The following RANBP17 variants were observed in gnomAD, a reference collection of about 807,000 sequenced individuals.
RANBP17 encodes ran-binding protein 17.
A neutral mutation model predicts 141.2 loss-of-function variants in RANBP17; 158 were observed. That is an observed-to-expected ratio of 1.12 (90% confidence interval 0.98 to 1.28). The LOEUF (loss-of-function observed/expected upper bound fraction) is 1.28. Ranked by LOEUF, RANBP17 falls within the 50% of genes most tolerant of loss-of-function variation. The pLI is 0.00. For synonymous variants in RANBP17, 430 were observed against 450.0 expected, an observed-to-expected ratio of 0.96 and a Z score of 0.56; for missense variants, 1,438 against 1,290.7, an observed-to-expected ratio of 1.11 and a Z score of -1.75.
chr5:171,275,423 A>G (rs1048007516), intron 25 of RANBP17, among the ~76,000 whole-genome samples: 2 of 152,204 alleles, frequency 1.3e-5, no homozygotes, highest in Non-Finnish European at 2.9e-5. Flanking sequence ...TGTGCTTCAT[A>G]CTTGAATAGA....
intron 2 of RANBP17, 139 bp from the exon 3 acceptor site, chr5:170,881,666 GT>G (rs1456999460): frequency 7.5e-6 from 4 of 536,470 alleles, no homozygotes; most frequent in Non-Finnish European, 1.3e-5. Context: ...TGTATCTCAA[GT>G]TGACATATTT....
At chr5:170,909,250 A>C (rs1464965234) in intron 5 of RANBP17, among the ~76,000 whole-genome samples, 1 of 151,874 alleles carries the variant, frequency 6.6e-6, no homozygotes, top group Admixed American at 6.6e-5. Flanking sequence ...ATATAGGAAT[A>C]TCACTTTCAA....
chr5:170,904,766 G>C (rs1220399839), intron 5 of RANBP17, among the ~76,000 whole-genome samples: 3 of 152,064 alleles, frequency 2.0e-5, no homozygotes, highest in Non-Finnish European at 4.4e-5. Context: ...TTTATACACT[G>C]ATAATCATGT....
chr5:170,947,040 T>C (rs1287166673), intron 12 of RANBP17, among the ~76,000 whole-genome samples: 1 of 152,182 alleles, frequency 6.6e-6, no homozygotes, highest in Non-Finnish European at 1.5e-5. Context: ...GGATTATAAA[T>C]AAATTTTATC....
intron 19 of RANBP17, among the ~76,000 whole-genome samples, chr5:171,205,185 A>T (rs1159230485): frequency 3.3e-5 from 5 of 152,194 alleles, no homozygotes; most frequent in African/African-American, 1.2e-4. Context: ...TTATTAAATA[A>T]TGTCTAGACC....
chr5:170,863,689 T>C (rs1205983487), intron 1 of RANBP17: 1 of 152,204 alleles, frequency 6.6e-6, no homozygotes, highest in East Asian at 1.9e-4. Flanking sequence ...TTAAAAGGTA[T>C]GGTGGAACTT....
rs775874451 is a variant in RANBP17 at position 171,293,969 on chromosome 5, G to A, written c.3030G>A (p.Leu1010=). 1 of 1,612,270 alleles carries A rather than the reference G, an allele frequency of 6.2e-7. No individual in the cohort carries two copies. The highest frequency in any genetic ancestry group is 1.1e-5 in the South Asian group (1 of 91,046). The part of the protein sequence containing the change: ...SVSRPLLGLI[L]LNEKYFSELR... ...CCAGGCCTCTCCTGGGGCTCATCCT[G>A]CTCAATGAGAAGGTGAGTGTGATTG... The change falls in exon 26 of 28, where the codon CTG becomes CTA. Residue 1010 remains leucine, a synonymous_variant. Transcript: ENST00000523189.
intron 13 of RANBP17, among the ~76,000 whole-genome samples, chr5:170,963,377 C>G (rs1776285010): frequency 6.6e-6 from 1 of 152,062 alleles, no homozygotes; most frequent in South Asian, 2.1e-4. Flanking sequence ...ACAAAAATAC[C>G]TGATTCAGGT....
chr5:171,250,844 T>C (rs1765511595), intron 24 of RANBP17, among the ~76,000 whole-genome samples: 1 of 152,158 alleles, frequency 6.6e-6, no homozygotes, highest in South Asian at 2.1e-4. Context: ...ATTCCTAAAA[T>C]GACTAAATTT....
intron 12 of RANBP17, among the ~76,000 whole-genome samples, chr5:170,927,694 T>G (rs1012816552): frequency 1.3e-5 from 2 of 152,108 alleles, no homozygotes; most frequent in Non-Finnish European, 2.9e-5. Context: ...GATTCAAATA[T>G]GGTGAGCATA....
At position 171,006,268 on chromosome 5, in the gene RANBP17, A is replaced by C. The variant is rs189484208; in HGVS notation, c.1710+37891A>C. On this transcript the variant is annotated intron_variant, in intron 14 of 27. Transcript: ENST00000523189. ...TGGGTATATACCCAAAGAATTATAAAACATGCTGCTATAAAAACACATGCA... is the reference window on the plus strand; with the variant it reads ...TGGGTATATACCCAAAGAATTATAACACATGCTGCTATAAAAACACATGCA... 8.3e-4 allele frequency among the ~76,000 whole-genome samples: 127 copies of C among 152,318 alleles called. 2 individuals are homozygous for C. The East Asian group carries it at 0.02, about 24-fold the overall frequency.
chr5:170,908,286 G>A (rs1370838068), intron 5 of RANBP17, among the ~76,000 whole-genome samples: 1 of 151,740 alleles, frequency 6.6e-6, no homozygotes, highest in Non-Finnish European at 1.5e-5. Flanking sequence ...CATTGACGGT[G>A]GATTGGATAA....
At chr5:170,883,213 G>T (rs78301952) in intron 3 of RANBP17, among the ~76,000 whole-genome samples, 2 of 152,298 alleles carry the variant, frequency 1.3e-5, no homozygotes, top group Admixed American at 1.3e-4. Flanking sequence ...TTCAAATAGT[G>T]TAAAGCTAAG....
intron 14 of RANBP17, among the ~76,000 whole-genome samples, chr5:170,981,216 G>T (rs902311864): frequency 2.0e-5 from 3 of 152,016 alleles, no homozygotes; most frequent in Admixed American, 2.0e-4. Flanking sequence ...AGGCTCATAG[G>T]CAGAAGGAAC....
At chr5:171,059,227 A>G (rs1173547805) in intron 14 of RANBP17, among the ~76,000 whole-genome samples, 1 of 152,130 alleles carries the variant, frequency 6.6e-6, no homozygotes, top group African/African-American at 2.4e-5. Context: ...TTTAGACATG[A>G]AGTCCTTGCC....
intron 14 of RANBP17, among the ~76,000 whole-genome samples, chr5:171,087,244 G>A (rs1785738818): frequency 6.6e-6 from 1 of 152,048 alleles, no homozygotes; most frequent in African/African-American, 2.4e-5. Flanking sequence ...TCAGGAGCAG[G>A]TTGTTCAGTT....
At chr5:171,106,399 A>C (rs1159815180) in intron 14 of RANBP17, among the ~76,000 whole-genome samples, 1 of 152,144 alleles carries the variant, frequency 6.6e-6, no homozygotes, top group Non-Finnish European at 1.5e-5. Context: ...ATGTTTGAGG[A>C]ACTATAAGAT....
chr5:170,980,104 G>T (rs1777656926), intron 14 of RANBP17, among the ~76,000 whole-genome samples: 1 of 152,130 alleles, frequency 6.6e-6, no homozygotes, highest in Non-Finnish European at 1.5e-5. Flanking sequence ...GCGGAATTTT[G>T]ACCCTACCCT....
intron 18 of RANBP17, among the ~76,000 whole-genome samples, chr5:171,194,474 T>C (rs1020177141): frequency 7.9e-5 from 12 of 152,206 alleles, no homozygotes; most frequent in Admixed American, 3.9e-4. Context: ...GTGGCCTCTG[T>C]ATCTGGCCTC....
Sources: allele counts gnomAD v4.1 joint callset (sites outside exome capture counted in the v4.1 genomes callset), GRCh38; gene constraint gnomAD v4.1.1; transcripts MANE v1.5; gene names NCBI Gene and HGNC (gene_info 2026-07-23, HGNC 2026-07-21).